The following ITGA8 variants were observed in gnomAD, a reference collection of about 807,000 sequenced individuals.
The protein encoded by ITGA8 is integrin subunit alpha 8.
A neutral mutation model predicts 142.3 loss-of-function variants in ITGA8; 91 were observed. The ratio of observed to expected loss-of-function variants is 0.64; its 90% CI spans 0.54 to 0.76. The LOEUF (loss-of-function observed/expected upper bound fraction) is 0.76, where lower values mean the gene tolerates loss of function less well. Among genes scored for constraint, ITGA8 ranks in the 30% least tolerant of loss-of-function variants. The pLI is 0.00. For synonymous variants in ITGA8, 505 were observed against 485.2 expected, an observed-to-expected ratio of 1.04 and a Z score of -0.54; for missense variants, 1,406 against 1,327.7, an observed-to-expected ratio of 1.06 and a Z score of -0.92.
intron 2 of ITGA8, among the ~76,000 whole-genome samples, chr10:15,702,599 G>T (rs1368868213): frequency 6.6e-6 from 1 of 152,066 alleles, no homozygotes; most frequent in Non-Finnish European, 1.5e-5. Flanking sequence ...CCCACGTGAA[G>T]ATCTTGACCC....
chr10:15,582,401 T>C (rs1191743730), intron 23 of ITGA8, among the ~76,000 whole-genome samples: 1 of 152,202 alleles, frequency 6.6e-6, no homozygotes, highest in Admixed American at 6.5e-5. Context: ...TATTTCAAAT[T>C]AGGACACAAA....
At chr10:15,715,266 A>G (rs1216434492) in intron 2 of ITGA8, among the ~76,000 whole-genome samples, 1 of 152,082 alleles carries the variant, frequency 6.6e-6, no homozygotes, top group East Asian at 1.9e-4. Context: ...GCTTCCACCA[A>G]AACTGTTTAT....
chr10:15,556,780 A>G (rs1343353705), intron 26 of ITGA8, among the ~76,000 whole-genome samples: 1 of 152,246 alleles, frequency 6.6e-6, no homozygotes, highest in Non-Finnish European at 1.5e-5. Context: ...CTGTTGTGCT[A>G]TCAAACAATA....
At chr10:15,568,584 T>G (rs967505572) in intron 25 of ITGA8, among the ~76,000 whole-genome samples, 1 of 152,176 alleles carries the variant, frequency 6.6e-6, no homozygotes, top group Non-Finnish European at 1.5e-5. Flanking sequence ...GTATTTGGAG[T>G]GCATATCCAG....
At chr10:15,649,615 CAAA>C (rs199606150) in intron 11 of ITGA8, among the ~76,000 whole-genome samples, 1 of 88,002 alleles carries the variant, frequency 1.1e-5, no homozygotes, top group Non-Finnish European at 2.2e-5. Context: ...GACTCCGTCT[CAAA>C]AAAAAAAAAA....
chr10:15,552,909 G>T (rs974365861), intron 26 of ITGA8, among the ~76,000 whole-genome samples: 7 of 152,168 alleles, frequency 4.6e-5, no homozygotes, highest in Non-Finnish European at 1.0e-4. Flanking sequence ...ATCCTAAAAG[G>T]AATAGTATAT....
At chr10:15,520,076 T>C (rs1833028805) in intron 28 of ITGA8, among the ~76,000 whole-genome samples, 1 of 152,188 alleles carries the variant, frequency 6.6e-6, no homozygotes, top group Admixed American at 6.5e-5. Flanking sequence ...GCAAAGTGAA[T>C]GTTCAATTTT....
intron 25 of ITGA8, among the ~76,000 whole-genome samples, chr10:15,561,986 A>C (rs1211580329): frequency 6.6e-6 from 1 of 152,176 alleles, no homozygotes. Flanking sequence ...GAAATACCAG[A>C]CACTTATAAA....
intron 28 of ITGA8, 68 bp from the exon 29 acceptor site, chr10:15,519,480 C>T: frequency 6.6e-7 from 1 of 1,524,158 alleles, no homozygotes; most frequent in East Asian, 2.3e-5. Context: ...ATAGTAATTA[C>T]CAGTACAACA....
At chr10:15,590,120 G>C (rs1366893320) in intron 22 of ITGA8, among the ~76,000 whole-genome samples, 1 of 152,120 alleles carries the variant, frequency 6.6e-6, no homozygotes, top group Non-Finnish European at 1.5e-5. Context: ...ATTTAATGCT[G>C]TATGTATATT....
chr10:15,589,035 TC>T (rs1030959555), intron 22 of ITGA8, among the ~76,000 whole-genome samples: 1 of 152,174 alleles, frequency 6.6e-6, no homozygotes, highest in Non-Finnish European at 1.5e-5. Flanking sequence ...AAAGGAAAGC[TC>T]CCTCACTAAT....
At position 15,559,168 on chromosome 10, in the gene ITGA8, G is replaced by A. The variant is rs141975431; in HGVS notation, c.2638-966C>T. On this transcript the variant is annotated intron_variant, in intron 25 of 29. Transcript: ENST00000378076. The stretch of plus-strand genomic sequence containing the variant: ...AAACCTACTAGACAAACAGAAGGAC[G>A]GAGTCCAGACTCCCTAGCATGGCAC... 1.7e-3 allele frequency among the ~76,000 whole-genome samples: 264 copies of A among 152,336 alleles called. 2 individuals carry two copies. Among genetic ancestry groups the A allele is most frequent in the East Asian group, 0.014 (72 of 5,176 alleles).
At chr10:15,555,229 A>G (rs1419417417) in intron 26 of ITGA8, among the ~76,000 whole-genome samples, 1 of 152,200 alleles carries the variant, frequency 6.6e-6, no homozygotes, top group Non-Finnish European at 1.5e-5. Flanking sequence ...CTTGCAATAT[A>G]TCATTGGCTT....
chr10:15,579,969 C>G (rs1439484638), intron 23 of ITGA8, among the ~76,000 whole-genome samples: 1 of 150,498 alleles, frequency 6.6e-6, no homozygotes, highest in Non-Finnish European at 1.5e-5. Flanking sequence ...GAGAGAAAGT[C>G]AAATCCAAAG....
intron 27 of ITGA8, among the ~76,000 whole-genome samples, chr10:15,542,012 A>G (rs1005430095): frequency 6.6e-6 from 1 of 152,084 alleles, no homozygotes; most frequent in African/African-American, 2.4e-5. Context: ...TGTTTATTCA[A>G]ACCTGTAACA....
intron 26 of ITGA8, 96 bp from the exon 27 acceptor site, chr10:15,548,664 A>G: frequency 2.8e-6 from 2 of 703,506 alleles, no homozygotes; most frequent in Non-Finnish European, 4.8e-6. Context: ...CTCAAAAGTC[A>G]TCACCTTATG....
At chr10:15,544,079 G>T (rs1267149965) in intron 27 of ITGA8, among the ~76,000 whole-genome samples, 1 of 152,162 alleles carries the variant, frequency 6.6e-6, no homozygotes, top group Non-Finnish European at 1.5e-5. Context: ...AGGATCACTG[G>T]AAGCCAGGAG....
At chr10:15,656,877 CAG>C (rs1237343385) in intron 10 of ITGA8, among the ~76,000 whole-genome samples, 3 of 152,174 alleles carry the variant, frequency 2.0e-5, no homozygotes, top group Non-Finnish European at 4.4e-5. Context: ...CCCCAGGAGG[CAG>C]AGACTTTGGT....
At chr10:15,624,564 A>G (rs1272202160) in intron 13 of ITGA8, among the ~76,000 whole-genome samples, 1 of 152,074 alleles carries the variant, frequency 6.6e-6, no homozygotes, top group East Asian at 1.9e-4. Flanking sequence ...ACCAGACTGG[A>G]CTTCTTCCCA....
Sources: allele counts gnomAD v4.1 joint callset (sites outside exome capture counted in the v4.1 genomes callset), GRCh38; gene constraint gnomAD v4.1.1; transcripts MANE v1.5; gene names NCBI Gene and HGNC (gene_info 2026-07-23, HGNC 2026-07-21).